The following USP4 variants were observed in gnomAD, a reference collection of about 807,000 sequenced individuals.
USP4 encodes ubiquitin carboxyl-terminal hydrolase 4.
A neutral mutation model predicts 118.2 loss-of-function variants in USP4; 72 were observed. That is an observed-to-expected ratio of 0.61 (90% CI 0.50 to 0.74). USP4 has a LOEUF of 0.74. Among genes scored for constraint, USP4 ranks in the 30% least tolerant of loss-of-function variants. USP4 has a pLI of 0.00. For synonymous variants in USP4, 415 were observed against 440.4 expected (o/e 0.94, Z 0.72); for missense variants, 1,037 against 1,185.7 (o/e 0.87, Z 1.84).
At chr3:49,283,699 A>T (rs1230426648) in intron 19 of USP4, among the ~76,000 whole-genome samples, 1 of 152,166 alleles carries the variant, frequency 6.6e-6, no homozygotes, top group Non-Finnish European at 1.5e-5. Flanking sequence ...GATGATGGAC[A>T]GGAAGGCCAG....
At chr3:49,278,763 G>T in intron 21 of USP4, 51 bp downstream of exon 21, 1 of 1,381,554 alleles carries the variant, frequency 7.2e-7, no homozygotes, top group Non-Finnish European at 1.0e-6. Flanking sequence ...GCTCTTCCCA[G>T]CTTTAATCCA....
chr3:49,339,937 G>A lies in USP4; in HGVS notation c.88C>T (p.Arg30Cys). ...CCGGGAGCTCACCACTGCGCCCCGC[G>A]TTGGAGTGTGGTCCTCATTAAGGGT... is the stretch of plus-strand genomic sequence containing the variant. Reference protein sequence around the residue: ...LGPLMRTTLQRGAQWYLIDSR... With the variant: ...LGPLMRTTLQCGAQWYLIDSR... Residue 30 changes from arginine to cysteine, a missense_variant, in exon 1 of 22, where the codon CGC (arginine) becomes TGC (cysteine). Arg to Cys is a radical substitution (Grantham distance 180, BLOSUM62 -3). Transcript: ENST00000265560. 1 of 1,613,130 alleles carries A rather than the reference G, an allele frequency of 6.2e-7. No individual in the cohort carries two copies. Among genetic ancestry groups the A allele is most frequent in the East Asian group, 2.2e-5 (1 of 44,846 alleles).
At chr3:49,293,328 C>G (rs1281416470) in intron 14 of USP4, among the ~76,000 whole-genome samples, 1 of 152,094 alleles carries the variant, frequency 6.6e-6, no homozygotes, top group Non-Finnish European at 1.5e-5. Context: ...GCCTGGCCAA[C>G]ACGGTGAAAC....
intron 11 of USP4, among the ~76,000 whole-genome samples, chr3:49,299,911 T>A (rs1248922969): frequency 6.6e-6 from 1 of 152,048 alleles, no homozygotes; most frequent in Non-Finnish European, 1.5e-5. Flanking sequence ...AACCACTTAG[T>A]AGATCAGGTT....
At chr3:49,338,818 C>T (rs540521446) in intron 1 of USP4, among the ~76,000 whole-genome samples, 1 of 152,122 alleles carries the variant, frequency 6.6e-6, no homozygotes, top group South Asian at 2.1e-4. Context: ...TGCTCAATTC[C>T]TCGGCAGATC....
intron 6 of USP4, chr3:49,313,844 T>C (rs2047410195): frequency 6.6e-6 from 1 of 152,082 alleles, no homozygotes; most frequent in Non-Finnish European, 1.5e-5. Context: ...AGAAAGTAAA[T>C]CTTATTTTAA....
At chr3:49,287,233 C>T (rs1171522566) in intron 15 of USP4, among the ~76,000 whole-genome samples, 1 of 152,156 alleles carries the variant, frequency 6.6e-6, no homozygotes, top group Non-Finnish European at 1.5e-5. Context: ...CAGCTCACTG[C>T]AACCTCCGCC....
intron 1 of USP4, among the ~76,000 whole-genome samples, chr3:49,336,380 G>A (rs2047669640): frequency 6.6e-6 from 1 of 151,342 alleles, no homozygotes; most frequent in Admixed American, 6.6e-5. Context: ...CACCATGTTG[G>A]CCAGGCTGGT....
intron 15 of USP4, 44 bp from the exon 16 acceptor site, chr3:49,286,369 T>C (rs748688565): frequency 2.5e-6 from 4 of 1,581,840 alleles, no homozygotes; most frequent in Non-Finnish European, 3.5e-6. Context: ...TTTCCTACCA[T>C]TTCAATGTTA....
chr3:49,282,953 C>A (rs2047051121), intron 19 of USP4, among the ~76,000 whole-genome samples: 1 of 150,876 alleles, frequency 6.6e-6, no homozygotes, highest in African/African-American at 2.5e-5. Flanking sequence ...AGTGATCCAC[C>A]CACCTTGGCC....
rs777662395 is a variant in USP4 at position 49,278,804 on chromosome 3, G to A, written c.2733+10C>T. ...ACATGAGGAAGAACCACATATCATGGCCTACTCACCACTATCTGATCCTCA... is the reference window on the plus strand; with the variant it reads ...ACATGAGGAAGAACCACATATCATGACCTACTCACCACTATCTGATCCTCA... On this transcript the variant is annotated intron_variant, in intron 21 of 21. Coordinates refer to ENST00000265560, the MANE Select transcript of USP4 (RefSeq NM_003363.4). The A allele has an allele frequency of 1.5e-5, 23 of 1,584,420 alleles. No homozygotes were observed. The highest frequency in any genetic ancestry group is 2.0e-5 in the Non-Finnish European group (23 of 1,159,706).
At chr3:49,304,553 G>A (rs1026177892) in intron 9 of USP4, among the ~76,000 whole-genome samples, 1 of 152,130 alleles carries the variant, frequency 6.6e-6, no homozygotes, top group Non-Finnish European at 1.5e-5. Flanking sequence ...CAGGCTCAGA[G>A]AACCTGGAAA....
chr3:49,339,202 G>C (rs938332378), intron 1 of USP4, among the ~76,000 whole-genome samples: 1 of 152,120 alleles, frequency 6.6e-6, no homozygotes, highest in African/African-American at 2.4e-5. Context: ...GCAAAGTCTA[G>C]CCTTAGTTTT....
chr3:49,281,181 G>A (rs564916508), intron 19 of USP4, among the ~76,000 whole-genome samples: 18 of 152,198 alleles, frequency 1.2e-4, no homozygotes, highest in African/African-American at 1.7e-4. Flanking sequence ...ATTAGGCCGC[G>A]CACGGTGGCT....
At position 49,277,999 on chromosome 3, in the gene USP4, G is replaced by A; in HGVS notation, c.*294C>T. 1 of 443,696 alleles carries A rather than the reference G, an allele frequency of 2.3e-6. No individual in the cohort carries two copies. Among genetic ancestry groups the A allele is most frequent in the South Asian group, 6.2e-5 (1 of 16,128 alleles). The allele number at this position is 443,696 out of a possible 1,614,324, so 27.5% of individuals were successfully genotyped here. A position where few individuals can be genotyped will look rare whatever the true frequency, so the allele number is the denominator to read the frequency against. On this transcript the variant is annotated 3_prime_UTR_variant, in exon 22 of 22. Transcript: ENST00000265560. ...GCGCCTGTGTTCCTCTCCATTCTTC[G>A]GGATCCATCAGACATACTCCATTGA...
chr3:49,281,531 C>CACAT (rs1491180240), intron 19 of USP4, among the ~76,000 whole-genome samples: 10 of 135,402 alleles, frequency 7.4e-5, no homozygotes, highest in African/African-American at 2.7e-4. Context: ...CACACACACA[C>CACAT]ATATATACAT....
chr3:49,305,895 CAG>C lies in USP4; in HGVS notation c.955-9_955-8del, dbSNP rs748017138. ...GTGCAGTGTTGCTCAAACACTGAAA[CAG>C]AACATGATGAGGGCTTTACACACCT... is the stretch of plus-strand genomic sequence containing the variant. On this transcript the variant is annotated splice_polypyrimidine_tract_variant and splice_region_variant and intron_variant, in intron 8 of 21. Coordinates refer to ENST00000265560, the MANE Select transcript of USP4 (RefSeq NM_003363.4). The C allele has an allele frequency of 7.4e-6, 12 of 1,611,376 alleles. No homozygotes were observed. The highest frequency in any genetic ancestry group is 1.7e-5 in the Admixed American group (1 of 59,512).
At chr3:49,278,968 C>T in intron 20 of USP4, 66 bp from the exon 21 acceptor site, 1 of 1,110,084 alleles carries the variant, frequency 9.0e-7, no homozygotes, top group Non-Finnish European at 1.3e-6. Flanking sequence ...GCTTATTAGG[C>T]TTGCACTAAA....
intron 13 of USP4, among the ~76,000 whole-genome samples, chr3:49,297,635 A>G (rs542362556): frequency 9.9e-5 from 15 of 152,236 alleles, no homozygotes; most frequent in Admixed American, 2.0e-4. Flanking sequence ...TGTTGAAAAA[A>G]GGCTGTGGCT....
Sources: gnomAD v4.1 joint callset for allele counts (sites outside exome capture counted in the v4.1 genomes callset) on GRCh38, gnomAD v4.1.1 for gene constraint, MANE v1.5 for transcripts, NCBI Gene and HGNC (gene_info 2026-07-23, HGNC 2026-07-21) for gene names.